ZBTB49: variants seen among roughly 807,000 people sequenced by gnomAD.
ZBTB49 encodes the protein zinc finger and BTB domain-containing protein 49.
A neutral mutation model predicts 57.5 loss-of-function variants in ZBTB49; 43 were observed. That is an observed-to-expected ratio of 0.75 (90% confidence interval 0.59 to 0.97). The LOEUF (loss-of-function observed/expected upper bound fraction) is 0.97, where lower values mean the gene tolerates loss of function less well. ZBTB49 is among the 50% of genes least tolerant of loss of function. The pLI is 0.00. For synonymous variants in ZBTB49, 369 were observed against 362.1 expected (o/e 1.02, Z -0.22); for missense variants, 938 against 947.7 (o/e 0.99, Z 0.13).
chr4:4,321,562 C>T lies in ZBTB49; in HGVS notation c.*246C>T. Reference sequence around the variant, plus strand: ...ACGTCACAGAAGCGAAGGCTTGATGCTGTCTCAGCAGCCTCAGCTGTGGGG... The same window carrying T: ...ACGTCACAGAAGCGAAGGCTTGATGTTGTCTCAGCAGCCTCAGCTGTGGGG... On this transcript the variant is annotated 3_prime_UTR_variant, in exon 8 of 8. Coordinates refer to ENST00000337872, the MANE Select transcript of ZBTB49 (RefSeq NM_145291.4). The T allele has an allele frequency of 1.8e-6, 1 of 544,870 alleles. No homozygotes were observed. The highest frequency in any genetic ancestry group is 3.2e-6 in the Non-Finnish European group (1 of 308,484). The allele number at this position is 544,870 out of a possible 1,614,324, so 33.8% of individuals were successfully genotyped here. A position where few individuals can be genotyped will look rare whatever the true frequency, so the allele number is the denominator to read the frequency against.
chr4:4,298,714 A>T (rs994641205), intron 1 of ZBTB49, among the ~76,000 whole-genome samples: 1 of 152,120 alleles, frequency 6.6e-6, no homozygotes, highest in African/African-American at 2.4e-5. Context: ...ACAGGTGTGA[A>T]CCACCACGCC....
At chr4:4,316,884 A>T (rs933156215) in intron 7 of ZBTB49, among the ~76,000 whole-genome samples, 1 of 152,176 alleles carries the variant, frequency 6.6e-6, no homozygotes, top group Non-Finnish European at 1.5e-5. Flanking sequence ...TAAATCACTA[A>T]CGTAGGAGCC....
Position 4,302,060 on chromosome 4 carries a change from T to C in ZBTB49, c.224T>C (p.Ile75Thr), listed in dbSNP as rs145711052. The change falls in exon 3 of 8, where the codon ATA (isoleucine) becomes ACA (threonine). Residue 75 changes from isoleucine to threonine, a missense_variant. Around this residue, in one of 3 missense-constraint regions of ZBTB49, gnomAD observed 100 missense variants for 112.5 expected, o/e 0.89. Transcript: ENST00000337872. ...FHLDVKNVSG[I>T]GQILDFMYTS... Reference sequence around the variant, plus strand: ...TTGGATGTTAAAAATGTCAGTGGCATAGGGCAGATCCTGGACTTCATGTAC... The same window carrying C: ...TTGGATGTTAAAAATGTCAGTGGCACAGGGCAGATCCTGGACTTCATGTAC... 6 of 1,611,560 alleles carry C rather than the reference T, an allele frequency of 3.7e-6. No individual in the cohort carries two copies. The African/African-American group carries it at 5.3e-5, about 14-fold the overall frequency.
rs569370753 is a variant in ZBTB49, at chr4:4,301,997, T to C, written c.161T>C (p.Phe54Ser). Reference sequence around the variant, plus strand: ...ATTCTTTCTTTTACCAGGAGCCTCTTTCAGAATTCTTCAAGCCAGAAGAAT... The same window carrying C: ...ATTCTTTCTTTTACCAGGAGCCTCTCTCAGAATTCTTCAAGCCAGAAGAAT... The part of the protein sequence containing the change: ...AAFSQYFRSL[F>S]QNSSSQKNDV... Residue 54 changes from phenylalanine to serine, a missense_variant, in exon 3 of 8, where the codon TTT (phenylalanine) becomes TCT (serine). Around this residue, in one of 3 missense-constraint regions of ZBTB49, gnomAD observed 100 missense variants for 112.5 expected, o/e 0.89. Coordinates refer to ENST00000337872, the MANE Select transcript of ZBTB49 (RefSeq NM_145291.4). 2.0e-6 allele frequency: 3 copies of C among 1,529,716 alleles called. No homozygotes were observed. The highest frequency in any genetic ancestry group is 2.6e-5 in the South Asian group (2 of 75,648). The allele number at this position is 1,529,716 out of a possible 1,614,324, so 94.8% of individuals were successfully genotyped here.
At chr4:4,304,318 T>G (rs1241044421) in intron 3 of ZBTB49, among the ~76,000 whole-genome samples, 2 of 151,606 alleles carry the variant, frequency 1.3e-5, no homozygotes, top group African/African-American at 4.9e-5. Context: ...CTCTGCCTCC[T>G]GGGTTCAATT....
intron 1 of ZBTB49, 100 bp from the exon 2 acceptor site, chr4:4,299,827 T>G: frequency 2.0e-6 from 2 of 1,000,036 alleles, no homozygotes; most frequent in South Asian, 1.5e-5. Context: ...GAAACTGTGA[T>G]GAGAGAGTGA....
At chr4:4,318,511 G>A (rs1221526359) in intron 7 of ZBTB49, among the ~76,000 whole-genome samples, 2 of 152,090 alleles carry the variant, frequency 1.3e-5, no homozygotes, top group African/African-American at 4.8e-5. Flanking sequence ...GGAGGCTGAG[G>A]CACAAGAATT....
chr4:4,290,597 G>A (rs1275950609), intron 1 of ZBTB49, among the ~76,000 whole-genome samples: 1 of 152,226 alleles, frequency 6.6e-6, no homozygotes, highest in African/African-American at 2.4e-5. Context: ...TCCGGGCCTG[G>A]GAGCCGGGCC....
intron 1 of ZBTB49, among the ~76,000 whole-genome samples, chr4:4,298,738 C>T (rs1272971476): frequency 6.6e-6 from 1 of 152,142 alleles, no homozygotes; most frequent in African/African-American, 2.4e-5. Context: ...TGCAGACTGC[C>T]TAACCTTCAT....
Position 4,320,994 on chromosome 4 carries a change from T to A in ZBTB49, c.1976T>A (p.Ile659Asn), listed in dbSNP as rs1200650922. The A allele has an allele frequency of 1.9e-6, 3 of 1,614,064 alleles. No individual in the cohort carries two copies. Among genetic ancestry groups the A allele is most frequent in the East Asian group, 4.5e-5 (2 of 44,882 alleles). ...TCCTATTGTAAGTTACGGTCCATGATCCAACCTCATGGAGTTAGTGACCAG... is the reference window on the plus strand; with the variant it reads ...TCCTATTGTAAGTTACGGTCCATGAACCAACCTCATGGAGTTAGTGACCAG... ...GGSYCKLRSM[I>N]QPHGVSDQEK... is the part of the protein sequence containing the mutation. The change falls in exon 8 of 8, where the codon ATC (isoleucine) becomes AAC (asparagine). Residue 659 changes from isoleucine (I) to asparagine (N), a missense_variant. Physicochemically the swap from Ile to Asn is moderately radical, Grantham distance 149 (BLOSUM62 -3). Around this residue, in one of 3 missense-constraint regions of ZBTB49, gnomAD observed 835 missense variants for 819.1 expected, o/e 1.02. Transcript: ENST00000337872.
At chr4:4,295,006 C>T (rs573661308) in intron 1 of ZBTB49, among the ~76,000 whole-genome samples, 11 of 151,948 alleles carry the variant, frequency 7.2e-5, no homozygotes, top group African/African-American at 2.7e-4. Flanking sequence ...GCCTTTGGCA[C>T]ATAATAGTTG....
intron 4 of ZBTB49, among the ~76,000 whole-genome samples, chr4:4,309,058 G>A (rs1399974721): frequency 6.6e-6 from 1 of 152,180 alleles, no homozygotes; most frequent in Non-Finnish European, 1.5e-5. Context: ...TTATTTTCTT[G>A]TAATGAACTA....
rs1048321765 is a variant in ZBTB49 at position 4,321,408 on chromosome 4, C to G, written c.*92C>G. On this transcript the variant is annotated 3_prime_UTR_variant, in exon 8 of 8. Transcript: ENST00000337872. ...GGACCCAGTTTCCCCATGACAGTGC[C>G]TTCTAACTAGCCAGAGAATAGGTAG... The G allele has an allele frequency of 7.6e-7, 1 of 1,309,474 alleles. No homozygotes were observed. The highest frequency in any genetic ancestry group is 1.5e-5 in the African/African-American group (1 of 67,838). 81.1% of individuals were successfully genotyped at this position (1,309,474 alleles called of 1,614,324 possible).
intron 3 of ZBTB49, among the ~76,000 whole-genome samples, chr4:4,303,728 C>T (rs995166496): frequency 3.5e-4 from 14 of 40,028 alleles, no homozygotes; most frequent in African/African-American, 9.2e-4. Flanking sequence ...TTAAGGTATT[C>T]TCTCTCTCTC....
intron 7 of ZBTB49, among the ~76,000 whole-genome samples, chr4:4,320,256 A>C (rs1459305668): frequency 6.6e-6 from 1 of 152,226 alleles, no homozygotes; most frequent in Non-Finnish European, 1.5e-5. Context: ...TGAGATACTC[A>C]AAACCCAAAG....
intron 3 of ZBTB49, among the ~76,000 whole-genome samples, chr4:4,304,908 C>T (rs564823328): frequency 3.9e-4 from 57 of 145,554 alleles, no homozygotes; most frequent in African/African-American, 1.3e-3. Context: ...AGCTATAGCC[C>T]ATATTAACAA....
At chr4:4,319,948 C>T (rs1359142865) in intron 7 of ZBTB49, among the ~76,000 whole-genome samples, 1 of 151,670 alleles carries the variant, frequency 6.6e-6, no homozygotes, top group Non-Finnish European at 1.5e-5. Flanking sequence ...TCTGTAATCC[C>T]AGCCACTCAG....
In ZBTB49 at chr4:4,321,324, C is replaced by T. The variant is rs985493676; in HGVS notation, c.*8C>T. The T allele has an allele frequency of 9.3e-6, 15 of 1,605,608 alleles. No homozygotes were observed. Among genetic ancestry groups the T allele is most frequent in the East Asian group, 4.5e-5 (2 of 44,900 alleles). On this transcript the variant is annotated 3_prime_UTR_variant, in exon 8 of 8. Coordinates refer to ENST00000337872, the MANE Select transcript of ZBTB49 (RefSeq NM_145291.4). ...AACGAGTTAGACCAGTGATGTACCG[C>T]GCTTCTCCACGGTAGAGGCGTGTTC...
rs991171215 is a variant in ZBTB49, at chr4:4,307,059, G to C, written c.1302+875G>C. ...TCCAGTTTCTCTTCATCTGTTGAGG[G>C]TGTCAGTTCCATTTGCTCACACACC... On this transcript the variant is annotated intron_variant, in intron 4 of 7. Transcript: ENST00000337872. Among the ~76,000 whole-genome samples, 3 of 152,236 alleles carry C rather than the reference G, an allele frequency of 2.0e-5. No homozygotes were observed. In the South Asian group the frequency reaches 6.2e-4, roughly 31 times the overall value.
Sources: gnomAD v4.1 joint callset for allele counts (sites outside exome capture counted in the v4.1 genomes callset) on GRCh38, gnomAD v4.1.1 for gene constraint, gnomAD v4.1.1 regional missense constraint, MANE v1.5 for transcripts, NCBI Gene and HGNC (gene_info 2026-07-23, HGNC 2026-07-21) for gene names.